TRIM24: variants seen among roughly 807,000 people sequenced by gnomAD.
The protein encoded by TRIM24 is transcription intermediary factor 1-alpha.
Under a neutral mutation model 123.9 loss-of-function variants are expected in TRIM24, and 29 were observed. The ratio of observed to expected loss-of-function variants is 0.23; its 90% confidence interval spans 0.17 to 0.32. The LOEUF is 0.32. TRIM24 is among the 10% of genes least tolerant of loss of function. TRIM24 has a pLI of 1.00. For missense variants in TRIM24, 932 were observed against 1,295.3 expected (o/e 0.72, Z 4.31); for synonymous variants, 456 against 461.1 (o/e 0.99, Z 0.14).
intron 1 of TRIM24, among the ~76,000 whole-genome samples, chr7:138,501,211 A>G (rs1409591868): frequency 6.6e-6 from 1 of 152,074 alleles, no homozygotes; most frequent in Admixed American, 6.6e-5. Context: ...GGTGATAGGA[A>G]TTTTCCAGCT....
At chr7:138,508,700 C>CGCGCGCGCGCGCGTGTGTGCGTGTGT (rs1182276337) in intron 2 of TRIM24, among the ~76,000 whole-genome samples, 241 of 35,550 alleles carry the variant, frequency 6.8e-3, no homozygotes, top group Non-Finnish European at 0.015. Flanking sequence ...TGTGCGCGCG[C>CGCGCGCGCGCGCGTGTGTGCGTGTGT]GTGTGTGCGT....
At chr7:138,486,284 G>C (rs1795645593) in intron 1 of TRIM24, among the ~76,000 whole-genome samples, 1 of 152,066 alleles carries the variant, frequency 6.6e-6, no homozygotes, top group South Asian at 2.1e-4. Flanking sequence ...CATTCTGTAG[G>C]TTGCCTGTTC....
chr7:138,515,149 A>T, intron 2 of TRIM24, 63 bp from the exon 3 acceptor site: 1 of 1,541,476 alleles, frequency 6.5e-7, no homozygotes, highest in East Asian at 2.3e-5. Context: ...ATGTACGCAT[A>T]GCTCGAGATA....
chr7:138,498,206 C>G (rs1413188474), intron 1 of TRIM24, among the ~76,000 whole-genome samples: 1 of 151,784 alleles, frequency 6.6e-6, no homozygotes, highest in African/African-American at 2.4e-5. Context: ...CCACTCCTGG[C>G]TAATTTTTGT....
intron 1 of TRIM24, among the ~76,000 whole-genome samples, chr7:138,500,207 A>T (rs1796006286): frequency 6.6e-6 from 1 of 152,200 alleles, no homozygotes; most frequent in Non-Finnish European, 1.5e-5. Flanking sequence ...CAGAAAGGAG[A>T]TAACAAATCA....
At chr7:138,505,809 T>C (rs1796141366) in intron 2 of TRIM24, among the ~76,000 whole-genome samples, 1 of 152,224 alleles carries the variant, frequency 6.6e-6, no homozygotes, top group African/African-American at 2.4e-5. Flanking sequence ...ACATCTCTTT[T>C]GGCTTCTTAA....
rs940209942 is a variant in TRIM24, at chr7:138,554,824, T to G, written c.1388T>G (p.Ile463Ser). 6.2e-7 allele frequency: 1 copy of G among 1,614,070 alleles called. No individual in the cohort carries two copies. Among genetic ancestry groups the G allele is most frequent in the Non-Finnish European group, 8.5e-7 (1 of 1,180,030 alleles). The change falls in exon 9 of 19, where the codon ATC (isoleucine) becomes AGC (serine). Residue 463 changes from isoleucine to serine, a missense_variant. Physicochemically the swap from Ile to Ser is moderately radical, Grantham distance 142. This residue lies in a region of TRIM24 where 527 missense variants were observed against 691.3 expected (regional missense o/e 0.76). Transcript: ENST00000343526. The surrounding 1 kb of genome is among the most constrained non-coding windows in gnomAD (Gnocchi z 4.5). ...CAGTTATCCAAGTTCCCAACACAGATCAGCCTAGCTCAATTACGGCTCCAG... is the reference window on the plus strand; with the variant it reads ...CAGTTATCCAAGTTCCCAACACAGAGCAGCCTAGCTCAATTACGGCTCCAG... The part of the protein sequence containing the change: ...SNQLSKFPTQ[I>S]SLAQLRLQHM...
intron 9 of TRIM24, among the ~76,000 whole-genome samples, chr7:138,555,959 C>T (rs150292473): frequency 4.1e-4 from 62 of 152,212 alleles, no homozygotes; most frequent in Non-Finnish European, 8.1e-4. Flanking sequence ...CATTAAGTGT[C>T]ATTTTTTTGG....
At chr7:138,527,214 T>G (rs930366899) in intron 5 of TRIM24, among the ~76,000 whole-genome samples, 2 of 152,202 alleles carry the variant, frequency 1.3e-5, no homozygotes, top group African/African-American at 4.8e-5. Flanking sequence ...ATCATTGTAG[T>G]TTTTTATAGT....
chr7:138,508,702 T>TGTGTGC lies in TRIM24; in HGVS notation c.483+4300_483+4305dup, dbSNP rs1162703103. 6.1e-3 allele frequency among the ~76,000 whole-genome samples: 247 copies of TGTGTGC among 40,502 alleles called. 5 individuals are homozygous for TGTGTGC. Among genetic ancestry groups the TGTGTGC allele is most frequent in the African/African-American group, 0.015 (196 of 13,258 alleles). 26.6% of individuals were successfully genotyped at this position (40,502 alleles called of 152,430 possible). A position where few individuals can be genotyped will look rare whatever the true frequency, so the allele number is the denominator to read the frequency against. ...GTGTGTGTGTGTGTGTGCGCGCGCG[T>TGTGTGC]GTGTGCGTGTGTGTGTGCGTGTGTG... is the stretch of plus-strand genomic sequence containing the variant. On this transcript the variant is annotated intron_variant, in intron 2 of 18. Coordinates refer to ENST00000343526, the MANE Select transcript of TRIM24 (RefSeq NM_015905.3).
chr7:138,504,166 G>T, intron 1 of TRIM24, 124 bp from the exon 2 acceptor site: 1 of 506,692 alleles, frequency 2.0e-6, no homozygotes. Context: ...GTTTTTAAGT[G>T]ACAGCAGGTA....
At chr7:138,553,617 A>G (rs1029729642) in intron 8 of TRIM24, among the ~76,000 whole-genome samples, 3 of 152,212 alleles carry the variant, frequency 2.0e-5, no homozygotes, top group African/African-American at 7.2e-5. Context: ...AAAAGTTAAC[A>G]TAGTATGCAT....
At chr7:138,575,687 C>T (rs1345210622) in intron 12 of TRIM24, among the ~76,000 whole-genome samples, 2 of 152,096 alleles carry the variant, frequency 1.3e-5, no homozygotes, top group Non-Finnish European at 2.9e-5. Flanking sequence ...GGGCCTTCAT[C>T]AGTTCAAATC....
At position 138,551,065 on chromosome 7, in the gene TRIM24, T is replaced by C. The variant is rs1163630442; in HGVS notation, c.1146T>C (p.Ile382=). Residue 382 remains isoleucine, a splice_region_variant and synonymous_variant, in exon 8 of 19, where the codon ATT becomes ATC. Coordinates refer to ENST00000343526, the MANE Select transcript of TRIM24 (RefSeq NM_015905.3). The part of the protein sequence containing the change: ...STALLYSKRL[I]TYRLRHLLRA... ...GTTATCTCTCCTTTTTCTTCTAGAT[T>C]ACATACCGGTTACGGCACCTCCTTC... The C allele has an allele frequency of 6.2e-7, 1 of 1,613,074 alleles. No homozygotes were observed. Among genetic ancestry groups the C allele is most frequent in the Non-Finnish European group, 8.5e-7 (1 of 1,179,242 alleles).
At chr7:138,474,536 T>C (rs758950861) in intron 1 of TRIM24, among the ~76,000 whole-genome samples, 9 of 152,242 alleles carry the variant, frequency 5.9e-5, no homozygotes, top group Non-Finnish European at 1.3e-4. Context: ...AAGAAATCTT[T>C]GTCTAACACA....
chr7:138,559,174 G>A (rs901228576), intron 9 of TRIM24, among the ~76,000 whole-genome samples: 1 of 152,142 alleles, frequency 6.6e-6, no homozygotes, highest in Non-Finnish European at 1.5e-5. Flanking sequence ...GTCACAGATT[G>A]AATAGGTTAC....
chr7:138,526,766 A>C (rs990989520), intron 5 of TRIM24, among the ~76,000 whole-genome samples: 1 of 152,152 alleles, frequency 6.6e-6, no homozygotes, highest in African/African-American at 2.4e-5. Context: ...TATTTTCTTT[A>C]TTTACCATAT....
At chr7:138,525,088 G>A (rs192642493) in intron 4 of TRIM24, among the ~76,000 whole-genome samples, 153 bp from the exon 5 acceptor site, 16 of 151,968 alleles carry the variant, frequency 1.1e-4, no homozygotes, top group Admixed American at 2.0e-4. Context: ...GAGAGGTGAG[G>A]GAAACTTGCC....
At chr7:138,541,287 A>C (rs933288553) in intron 7 of TRIM24, among the ~76,000 whole-genome samples, 1 of 152,048 alleles carries the variant, frequency 6.6e-6, no homozygotes, top group Non-Finnish European at 1.5e-5. Flanking sequence ...TGTCGCTACC[A>C]AAAGGAGAAA....
Sources: allele counts gnomAD v4.1 joint callset (sites outside exome capture counted in the v4.1 genomes callset), GRCh38; gene constraint gnomAD v4.1.1; regional missense constraint gnomAD v4.1.1; non-coding constraint Gnocchi (gnomAD v3.1); transcripts MANE v1.5; gene names NCBI Gene and HGNC (gene_info 2026-07-23, HGNC 2026-07-21).